Variants in LAMA2 observed in about 807,000 individuals in gnomAD.
The protein encoded by LAMA2 is laminin subunit alpha 2.
Under a neutral mutation model 364.8 loss-of-function variants are expected in LAMA2, and 269 were observed. The observed-to-expected ratio is 0.74, with a 90% CI of 0.67 to 0.82. LAMA2 has a LOEUF of 0.82. LAMA2 is among the 40% of genes least tolerant of loss of function. The probability of loss-of-function intolerance (pLI) is 0.00; values close to 1 mark genes in which losing one functional copy is unlikely to be tolerated. For synonymous variants in LAMA2, 1,379 were observed against 1,370.6 expected, an observed-to-expected ratio of 1.01 and a Z score of -0.14; for missense variants, 3,807 against 3,873.2, an observed-to-expected ratio of 0.98 and a Z score of 0.45.
intron 1 of LAMA2, among the ~76,000 whole-genome samples, chr6:128,896,404 C>T (rs967686982): frequency 6.6e-6 from 1 of 150,740 alleles, no homozygotes; most frequent in Non-Finnish European, 1.5e-5. Context: ...CCTCACCCTC[C>T]TTCCATTTTT....
intron 9 of LAMA2, among the ~76,000 whole-genome samples, chr6:129,175,548 A>G (rs1424231126): frequency 6.6e-6 from 1 of 152,214 alleles, no homozygotes; most frequent in Non-Finnish European, 1.5e-5. Flanking sequence ...TGACCATAAG[A>G]GTTTCAAGTT....
At chr6:129,212,761 C>G (rs2115075807) in intron 12 of LAMA2, among the ~76,000 whole-genome samples, 1 of 152,302 alleles carries the variant, frequency 6.6e-6, no homozygotes, top group East Asian at 1.9e-4. Flanking sequence ...TAGGAAGCAG[C>G]TGCCTTTCAA....
intron 21 of LAMA2, 89 bp downstream of exon 21, chr6:129,297,954 C>G (rs1773298451): frequency 4.7e-6 from 5 of 1,052,668 alleles, no homozygotes; most frequent in Non-Finnish European, 5.7e-6. Context: ...AAAGGAAGCA[C>G]AGATTGATAC....
At chr6:128,901,087 G>T (rs1020015159) in intron 1 of LAMA2, among the ~76,000 whole-genome samples, 1 of 152,216 alleles carries the variant, frequency 6.6e-6, no homozygotes, top group African/African-American at 2.4e-5. Flanking sequence ...AACCCGGGAG[G>T]TCGAGGCTGC....
intron 40 of LAMA2, among the ~76,000 whole-genome samples, chr6:129,421,462 A>G (rs1437192485): frequency 2.0e-5 from 3 of 152,102 alleles, no homozygotes; most frequent in Middle Eastern, 3.2e-3. Context: ...TATTTCACAT[A>G]TGCTGTAGAC....
At chr6:129,201,695 TCAA>T (rs1782298169) in intron 12 of LAMA2, among the ~76,000 whole-genome samples, 2 of 151,982 alleles carry the variant, frequency 1.3e-5, no homozygotes, top group Admixed American at 6.6e-5. Context: ...AATCCAGCAC[TCAA>T]CAATGTAAAA....
chr6:129,341,418 C>A (rs868181024), intron 29 of LAMA2, among the ~76,000 whole-genome samples: 30 of 152,194 alleles, frequency 2.0e-4, no homozygotes, highest in African/African-American at 7.2e-4. Flanking sequence ...CTTATAAAAT[C>A]CAGCTAAAAT....
intron 1 of LAMA2, among the ~76,000 whole-genome samples, chr6:129,018,297 A>G (rs955386513): frequency 3.9e-5 from 6 of 151,992 alleles, no homozygotes; most frequent in African/African-American, 1.4e-4. Context: ...CAGTTTATGT[A>G]GTAACTTTAA....
intron 12 of LAMA2, among the ~76,000 whole-genome samples, chr6:129,235,258 T>A (rs1695170872): frequency 2.6e-5 from 4 of 152,174 alleles, no homozygotes; most frequent in Non-Finnish European, 5.9e-5. Flanking sequence ...CCAATTACTA[T>A]GCTACTAGAA....
rs76516916 is a variant in LAMA2, at chr6:129,336,868, G to A, written c.4312-5475G>A. 2.0e-5 allele frequency among the ~76,000 whole-genome samples: 3 copies of A among 152,306 alleles called. No homozygotes were observed. The East Asian group carries it at 5.8e-4, about 29-fold the overall frequency. On this transcript the variant is annotated intron_variant, in intron 29 of 64. Coordinates refer to ENST00000421865, the MANE Select transcript of LAMA2 (RefSeq NM_000426.4). ...TGTTGTGTTCAAAATATCTGTAAAT[G>A]CTTTGGATGATATCTATCAAATATT... is the stretch of plus-strand genomic sequence containing the variant.
At chr6:129,481,835 T>A (rs995136072) in intron 55 of LAMA2, among the ~76,000 whole-genome samples, 3 of 152,208 alleles carry the variant, frequency 2.0e-5, no homozygotes, top group African/African-American at 7.2e-5. Context: ...TAAATTCCTC[T>A]AAGATCATTT....
intron 2 of LAMA2, among the ~76,000 whole-genome samples, chr6:129,058,505 GGTAGGATAGA>G (rs1304213940): frequency 2.0e-5 from 3 of 152,152 alleles, no homozygotes; most frequent in African/African-American, 7.2e-5. Flanking sequence ...TGTGGTTTTT[GGTAGGATAGA>G]GTTTCATGTG....
At chr6:129,478,938 A>G in intron 54 of LAMA2, 125 bp downstream of exon 54, 1 of 854,574 alleles carries the variant, frequency 1.2e-6, no homozygotes, top group Non-Finnish European at 2.0e-6. Context: ...CCTACTCTTA[A>G]ACGATAAAGC....
chr6:129,165,766 G>T, intron 9 of LAMA2, 91 bp downstream of exon 9: 2 of 822,990 alleles, frequency 2.4e-6, no homozygotes, highest in Non-Finnish European at 4.2e-6. Flanking sequence ...TGCAGTAAAT[G>T]TTATTCATGT....
chr6:129,065,468 G>A (rs1007097668), intron 3 of LAMA2, among the ~76,000 whole-genome samples: 8 of 152,194 alleles, frequency 5.3e-5, no homozygotes, highest in African/African-American at 1.9e-4. Context: ...AAGGTAAAGT[G>A]TCTCTTTTTG....
In LAMA2 at chr6:129,331,511, T is replaced by C. The variant is rs376822855; in HGVS notation, c.4311+3099T>C. Among the ~76,000 whole-genome samples the C allele has an allele frequency of 9.9e-5, 15 of 152,210 alleles. No homozygotes were observed. The South Asian group carries it at 3.1e-3, about 32-fold the overall frequency. On this transcript the variant is annotated intron_variant, in intron 29 of 64. Transcript: ENST00000421865. ...CCCACTTTTCTGCATCTGTGCCCAATTATTATGACTCTTTTCTATTACTTT... is the reference window on the plus strand; with the variant it reads ...CCCACTTTTCTGCATCTGTGCCCAACTATTATGACTCTTTTCTATTACTTT...
At chr6:129,268,099 TA>T (rs1230177112) in intron 16 of LAMA2, among the ~76,000 whole-genome samples, 1 of 152,114 alleles carries the variant, frequency 6.6e-6, no homozygotes, top group Non-Finnish European at 1.5e-5. Flanking sequence ...CTCTTCTACT[TA>T]AAAGCTTCTG....
At chr6:129,515,921 G>A (rs952898532) in intron 64 of LAMA2, among the ~76,000 whole-genome samples, 11 of 152,016 alleles carry the variant, frequency 7.2e-5, no homozygotes, top group Non-Finnish European at 1.0e-4. Context: ...AGGGAGGATC[G>A]CTTGAGCCCA....
intron 9 of LAMA2, among the ~76,000 whole-genome samples, chr6:129,176,172 A>G (rs1298690196): frequency 2.6e-5 from 4 of 151,872 alleles, no homozygotes; most frequent in Admixed American, 2.6e-4. Context: ...TGAAGTCTTG[A>G]TTTTCTCTTT....
Sources: allele counts gnomAD v4.1 joint callset (sites outside exome capture counted in the v4.1 genomes callset), GRCh38; gene constraint gnomAD v4.1.1; transcripts MANE v1.5; gene names NCBI Gene and HGNC (gene_info 2026-07-23, HGNC 2026-07-21).